The following ERC2 variants were observed in gnomAD, a reference collection of about 807,000 sequenced individuals.
ERC2 encodes ELKS/RAB6-interacting/CAST family member 2, also known as ERC protein 2.
ERC2 carries 42 observed loss-of-function variants against 114.8 expected under a neutral mutation model. The observed-to-expected ratio is 0.37, with a 90% confidence interval of 0.29 to 0.47. The LOEUF is 0.47. Among genes scored for constraint, ERC2 ranks in the 20% least tolerant of loss-of-function variants. The pLI is 0.99. For synonymous variants in ERC2, 454 were observed against 425.5 expected, an observed-to-expected ratio of 1.07 and a Z score of -0.82; for missense variants, 939 against 1,150.7, an observed-to-expected ratio of 0.82 and a Z score of 2.66.
At chr3:56,397,186 A>T (rs1043096003) in intron 2 of ERC2, among the ~76,000 whole-genome samples, 1 of 152,124 alleles carries the variant, frequency 6.6e-6, no homozygotes, top group Admixed American at 6.6e-5. Context: ...GTACAAAAAG[A>T]TACAGTTAAA....
At chr3:55,965,191 G>A (rs1014807500) in intron 12 of ERC2, among the ~76,000 whole-genome samples, 2 of 152,132 alleles carry the variant, frequency 1.3e-5, no homozygotes, top group Admixed American at 6.5e-5. Context: ...AGGGGGTGGA[G>A]ATCATGGGAC....
At chr3:55,650,797 C>T (rs2060585136) in intron 17 of ERC2, among the ~76,000 whole-genome samples, 1 of 151,854 alleles carries the variant, frequency 6.6e-6, no homozygotes, top group Admixed American at 6.6e-5. Context: ...GAAAAGCCAC[C>T]TTTTTTGTAT....
intron 17 of ERC2, among the ~76,000 whole-genome samples, chr3:55,550,945 G>A (rs1559638822): frequency 2.0e-5 from 3 of 151,342 alleles, no homozygotes; most frequent in African/African-American, 7.3e-5. Flanking sequence ...GAACCTGGGA[G>A]GCAGATCTTG....
chr3:55,576,776 C>T (rs78196753), intron 17 of ERC2, among the ~76,000 whole-genome samples: 2,233 of 152,340 alleles, frequency 0.015, 23 homozygotes, highest in Middle Eastern at 0.031. Flanking sequence ...GCTTCCTGCC[C>T]GACCCCACCA....
At chr3:56,219,312 T>G (rs1005054064) in intron 3 of ERC2, among the ~76,000 whole-genome samples, 1 of 151,948 alleles carries the variant, frequency 6.6e-6, no homozygotes, top group Non-Finnish European at 1.5e-5. Flanking sequence ...TTTAATAAAA[T>G]TTTTCTTCTT....
chr3:56,026,901 T>C (rs554727842), intron 7 of ERC2, among the ~76,000 whole-genome samples: 2 of 151,780 alleles, frequency 1.3e-5, no homozygotes, highest in South Asian at 2.1e-4. Flanking sequence ...AAAGTCAAGA[T>C]ACAGAACAAG....
intron 14 of ERC2, among the ~76,000 whole-genome samples, chr3:55,862,230 G>A (rs1026053963): frequency 6.6e-6 from 1 of 151,980 alleles, no homozygotes; most frequent in African/African-American, 2.4e-5. Flanking sequence ...TGGTCAGAGT[G>A]GCAAGCTCTA....
chr3:56,316,331 T>C (rs1055324103), intron 2 of ERC2, among the ~76,000 whole-genome samples: 3 of 152,082 alleles, frequency 2.0e-5, no homozygotes, highest in African/African-American at 7.2e-5. Flanking sequence ...ATAGGATGAG[T>C]TTACAGTTTA....
chr3:56,266,423 CCCAG>C (rs1231117221), intron 3 of ERC2, among the ~76,000 whole-genome samples: 1 of 152,010 alleles, frequency 6.6e-6, no homozygotes, highest in African/African-American at 2.4e-5. Flanking sequence ...AGCCACCGCA[CCCAG>C]CAAATAACCA....
At chr3:55,522,801 T>G (rs538132107) in intron 17 of ERC2, among the ~76,000 whole-genome samples, 17 of 152,326 alleles carry the variant, frequency 1.1e-4, no homozygotes, top group Admixed American at 5.9e-4. Flanking sequence ...GGGAGAGCTG[T>G]AACAATGGGC....
chr3:56,374,645 G>T (rs1382589166), intron 2 of ERC2, among the ~76,000 whole-genome samples: 3 of 152,066 alleles, frequency 2.0e-5, no homozygotes, highest in African/African-American at 7.2e-5. Flanking sequence ...GTAAGTGGTA[G>T]GGCTAAGAAG....
intron 7 of ERC2, among the ~76,000 whole-genome samples, chr3:56,067,041 C>T (rs1284914206): frequency 6.6e-6 from 1 of 152,144 alleles, no homozygotes; most frequent in African/African-American, 2.4e-5. Context: ...GGCATGGGCT[C>T]TTTTATGGTT....
At chr3:56,432,413 G>A (rs1373714014) in intron 2 of ERC2, among the ~76,000 whole-genome samples, 1 of 152,188 alleles carries the variant, frequency 6.6e-6, no homozygotes, top group African/African-American at 2.4e-5. Flanking sequence ...GGGGGGAAAT[G>A]TGCATTGTAC....
At chr3:55,613,616 T>C (rs1439796487) in intron 17 of ERC2, among the ~76,000 whole-genome samples, 1 of 152,152 alleles carries the variant, frequency 6.6e-6, no homozygotes, top group Non-Finnish European at 1.5e-5. Context: ...TATGCCTTGC[T>C]TTTCTCTTCC....
At chr3:56,205,141 C>G (rs2048644626) in intron 3 of ERC2, among the ~76,000 whole-genome samples, 1 of 152,144 alleles carries the variant, frequency 6.6e-6, no homozygotes, top group South Asian at 2.1e-4. Flanking sequence ...TCCTTACTAT[C>G]TGCCACCCAG....
At chr3:55,787,194 T>C (rs954682398) in intron 14 of ERC2, among the ~76,000 whole-genome samples, 1 of 152,154 alleles carries the variant, frequency 6.6e-6, no homozygotes, top group Non-Finnish European at 1.5e-5. Context: ...GGTGGGTGGA[T>C]GGCTTAAGCC....
intron 17 of ERC2, among the ~76,000 whole-genome samples, chr3:55,559,702 G>A (rs796477986): frequency 5.9e-5 from 9 of 152,344 alleles, no homozygotes; most frequent in African/African-American, 1.7e-4. Flanking sequence ...ATCCATCAAT[G>A]TCCTCCTTGC....
At chr3:55,769,804 A>G (rs1370915020) in intron 14 of ERC2, among the ~76,000 whole-genome samples, 1 of 152,200 alleles carries the variant, frequency 6.6e-6, no homozygotes, top group Non-Finnish European at 1.5e-5. Flanking sequence ...GTTTTGGAAA[A>G]TAACTCTGAA....
intron 17 of ERC2, among the ~76,000 whole-genome samples, chr3:55,673,499 C>T (rs980101351): frequency 3.3e-5 from 5 of 152,190 alleles, no homozygotes; most frequent in African/African-American, 7.2e-5. Flanking sequence ...AGGAGAATCA[C>T]TTGAACCTGG....
Sources: gnomAD v4.1 joint callset for allele counts (sites outside exome capture counted in the v4.1 genomes callset) on GRCh38, gnomAD v4.1.1 for gene constraint, MANE v1.5 for transcripts, NCBI Gene and HGNC (gene_info 2026-07-23, HGNC 2026-07-21) for gene names.